The following ATOH8 variants were observed in gnomAD, a reference collection of about 807,000 sequenced individuals.
ATOH8 encodes transcription factor ATOH8.
Under a neutral mutation model 21.2 loss-of-function variants are expected in ATOH8, and 9 were observed. That is an observed-to-expected ratio of 0.42 (90% confidence interval 0.26 to 0.74). ATOH8 has a LOEUF of 0.74. ATOH8 is among the 30% of genes least tolerant of loss of function. The probability of loss-of-function intolerance (pLI) is 0.24; values close to 1 mark genes in which losing one functional copy is unlikely to be tolerated. For missense variants in ATOH8, 524 were observed against 470.9 expected, an observed-to-expected ratio of 1.11 and a Z score of -1.04; for synonymous variants, 253 against 224.0, an observed-to-expected ratio of 1.13 and a Z score of -1.16.
chr2:85,754,496 G>C lies in ATOH8; in HGVS notation c.307G>C (p.Glu103Gln), dbSNP rs771443467. 5 of 1,434,256 alleles carry C rather than the reference G, an allele frequency of 3.5e-6. No individual in the cohort carries two copies. In the East Asian group the frequency reaches 1.1e-4, roughly 32 times the overall value. The allele number at this position is 1,434,256 out of a possible 1,614,324, so 88.8% of individuals were successfully genotyped here. A position where few individuals can be genotyped will look rare whatever the true frequency, so the allele number is the denominator to read the frequency against. Residue 103 changes from glutamate (E) to glutamine (Q), a missense_variant, in exon 1 of 3, where the codon GAG (glutamate) becomes CAG (glutamine). Glu to Gln is a conservative substitution (Grantham distance 29). Transcript: ENST00000306279. ...AGERGGSRAP[E>Q]VSDARKRCFA... ...GGAGCGCGGGGGCTCTCGGGCGCCC[G>C]AGGTCTCCGACGCGCGGAAACGCTG...
In ATOH8 at chr2:85,788,307, C is replaced by T. The variant is rs987564217; in HGVS notation, c.*1417C>T. 1.3e-5 allele frequency among the ~76,000 whole-genome samples: 2 copies of T among 152,054 alleles called. No homozygotes were observed. Among genetic ancestry groups the T allele is most frequent in the Non-Finnish European group, 2.9e-5 (2 of 68,006 alleles). ...GAACACATGAGGAGCCCTCTCTGTC[C>T]GCACTGCACTCAATCTGTACCATGG... is the stretch of plus-strand genomic sequence containing the variant. On this transcript the variant is annotated 3_prime_UTR_variant, in exon 3 of 3. Transcript: ENST00000306279.
At chr2:85,755,455 G>T (rs1679661030) in intron 1 of ATOH8, among the ~76,000 whole-genome samples, 2 of 152,188 alleles carry the variant, frequency 1.3e-5, no homozygotes, top group African/African-American at 2.4e-5. Context: ...TCCGGGCTAT[G>T]CACTCCTTGC....
At chr2:85,774,867 C>T in intron 2 of ATOH8, 1 of 915,940 alleles carries the variant, frequency 1.1e-6, no homozygotes, top group Non-Finnish European at 1.3e-6. Flanking sequence ...GCCTGGAATG[C>T]CCTTCTCCAC....
intron 2 of ATOH8, among the ~76,000 whole-genome samples, chr2:85,780,155 A>C (rs531851645): frequency 6.6e-6 from 1 of 152,296 alleles, no homozygotes; most frequent in African/African-American, 2.4e-5. Context: ...CCCCAGCCCC[A>C]GCCCTGCACT....
At chr2:85,762,345 A>G (rs1573523655) in intron 1 of ATOH8, among the ~76,000 whole-genome samples, 1 of 152,364 alleles carries the variant, frequency 6.6e-6, no homozygotes, top group East Asian at 1.9e-4. Flanking sequence ...CTTCATCATC[A>G]GAGAGAGGAA....
chr2:85,765,802 T>G, intron 2 of ATOH8, among the ~76,000 whole-genome samples: 1 of 152,156 alleles, frequency 6.6e-6, no homozygotes, highest in African/African-American at 2.4e-5. Flanking sequence ...GGGAGGAGGC[T>G]GGATGCCTGG....
rs1016487339 is a variant in ATOH8, at chr2:85,785,522, G to A, written c.961-1363G>A. Among the ~76,000 whole-genome samples the A allele has an allele frequency of 6.6e-6, 1 of 152,164 alleles. No individual in the cohort carries two copies. Among genetic ancestry groups the A allele is most frequent in the Admixed American group, 6.5e-5 (1 of 15,282 alleles). On this transcript the variant is annotated intron_variant, in intron 2 of 2. Coordinates refer to ENST00000306279, the MANE Select transcript of ATOH8 (RefSeq NM_032827.7). The surrounding 1 kb of genome is among the most constrained non-coding windows in gnomAD (Gnocchi z 4.1). ...CCTCCTTGGACCCCACTTCAGCCTT[G>A]CCCCAGACTTGCGTCTTGGCTGGCT...
chr2:85,770,654 G>T (rs1373847518), intron 2 of ATOH8, among the ~76,000 whole-genome samples: 2 of 152,204 alleles, frequency 1.3e-5, no homozygotes, highest in Non-Finnish European at 2.9e-5. Context: ...CATTGGCTGG[G>T]GAGCCTCCCA....
At chr2:85,768,837 G>A (rs1266987057) in intron 2 of ATOH8, among the ~76,000 whole-genome samples, 1 of 152,190 alleles carries the variant, frequency 6.6e-6, no homozygotes, top group African/African-American at 2.4e-5. Flanking sequence ...TCATGACTTT[G>A]AGGATTTGGA....
intron 2 of ATOH8, among the ~76,000 whole-genome samples, chr2:85,784,748 C>T (rs1036191127): frequency 6.6e-6 from 1 of 152,206 alleles, no homozygotes; most frequent in African/African-American, 2.4e-5. Context: ...TGCCTCCCCT[C>T]CCCTCACTGT....
chr2:85,769,503 G>A (rs949899723), intron 2 of ATOH8, among the ~76,000 whole-genome samples: 1 of 152,214 alleles, frequency 6.6e-6, no homozygotes, highest in African/African-American at 2.4e-5. Context: ...TTAAGCCAGT[G>A]CAGCTTCATG....
chr2:85,780,998 C>T, intron 2 of ATOH8: 1 of 988,000 alleles, frequency 1.0e-6, no homozygotes, highest in Non-Finnish European at 1.2e-6. Flanking sequence ...GAAGCCCAGG[C>T]TTTGCGCCTG....
intron 2 of ATOH8, chr2:85,774,330 G>A: frequency 4.1e-6 from 4 of 985,554 alleles, no homozygotes; most frequent in Non-Finnish European, 4.8e-6. Context: ...TCAGCCTTGA[G>A]CCCTGCACCT....
chr2:85,758,122 C>T (rs1040697624), intron 1 of ATOH8, among the ~76,000 whole-genome samples: 3 of 152,190 alleles, frequency 2.0e-5, no homozygotes, highest in African/African-American at 7.2e-5. Context: ...CTCCAAGGTC[C>T]TCAGGGCTGG....
rs1680033963 is a variant in ATOH8, at chr2:85,766,984, C to T, written c.960+2802C>T. Among the ~76,000 whole-genome samples, 1 of 152,176 alleles carries T rather than the reference C, an allele frequency of 6.6e-6. No homozygotes were observed. Among genetic ancestry groups the T allele is most frequent in the Non-Finnish European group, 1.5e-5 (1 of 68,022 alleles). On this transcript the variant is annotated intron_variant, in intron 2 of 2. Transcript: ENST00000306279. The surrounding 1 kb of genome is among the most constrained non-coding windows in gnomAD (Gnocchi z 4.0). ...TCATGGGCCCTGACACCGAGGGGGC[C>T]TGAAGCCCCAGGGGAGGGTACTTCC...
intron 2 of ATOH8, among the ~76,000 whole-genome samples, chr2:85,767,581 C>CCT: frequency 7.6e-6 from 1 of 131,126 alleles, no homozygotes; most frequent in Admixed American, 7.5e-5. Context: ...CCTCCCCTCT[C>CCT]CTTCCCTTCC....
In ATOH8 at chr2:85,785,214, C is replaced by T. The variant is rs1022643061; in HGVS notation, c.961-1671C>T. 2.0e-5 allele frequency among the ~76,000 whole-genome samples: 3 copies of T among 152,240 alleles called. No individual in the cohort carries two copies. Among genetic ancestry groups the T allele is most frequent in the Non-Finnish European group, 4.4e-5 (3 of 68,036 alleles). Reference sequence around the variant, plus strand: ...AACCTTTTCTGCCCATGGCAGGGCCCGCCCAGGCAGCCAGCGCCGGGATGA... The same window carrying T: ...AACCTTTTCTGCCCATGGCAGGGCCTGCCCAGGCAGCCAGCGCCGGGATGA... On this transcript the variant is annotated intron_variant, in intron 2 of 2. Coordinates refer to ENST00000306279, the MANE Select transcript of ATOH8 (RefSeq NM_032827.7). The surrounding 1 kb of genome is among the most constrained non-coding windows in gnomAD (Gnocchi z 4.1).
intron 1 of ATOH8, among the ~76,000 whole-genome samples, chr2:85,759,960 G>T (rs1009210450): frequency 1.3e-5 from 2 of 152,170 alleles, no homozygotes; most frequent in East Asian, 3.9e-4. Flanking sequence ...TCATTCTGAG[G>T]TAGCAGGTGT....
chr2:85,774,367 T>C (rs971766286), intron 2 of ATOH8: 27 of 985,414 alleles, frequency 2.7e-5, no homozygotes, highest in Non-Finnish European at 3.1e-5. Context: ...TCAGACAGGG[T>C]GTCAGCAGGC....
Sources: gnomAD v4.1 joint callset for allele counts (sites outside exome capture counted in the v4.1 genomes callset) on GRCh38, gnomAD v4.1.1 for gene constraint, Gnocchi (gnomAD v3.1) non-coding constraint, MANE v1.5 for transcripts, NCBI Gene and HGNC (gene_info 2026-07-23, HGNC 2026-07-21) for gene names.